SLC12A9: variants seen among roughly 807,000 people sequenced by gnomAD.
The protein encoded by SLC12A9 is CCC-interacting protein 1.
Under a neutral mutation model 66.0 loss-of-function variants are expected in SLC12A9, and 55 were observed. That is an observed-to-expected ratio of 0.83 (90% CI 0.67 to 1.04). The LOEUF is 1.04. Among genes scored for constraint, SLC12A9 ranks in the 50% least tolerant of loss-of-function variants. SLC12A9 has a pLI of 0.00. For missense variants in SLC12A9, 1,061 were observed against 1,241.9 expected (o/e 0.85, Z 2.19); for synonymous variants, 577 against 569.0 (o/e 1.01, Z -0.20).
chr7:100,860,764 GTTCA>G (rs1374798767), intron 9 of SLC12A9: 3 of 395,718 alleles, frequency 7.6e-6, no homozygotes, highest in African/African-American at 4.2e-5. Flanking sequence ...ACTCTCTGGG[GTTCA>G]TTGACACTTT....
At chr7:100,828,255 T>A (rs538699979) in intron 1 of SLC12A9, among the ~76,000 whole-genome samples, 1 of 152,108 alleles carries the variant, frequency 6.6e-6, no homozygotes, top group African/African-American at 2.4e-5. Context: ...AAAAGGTGGG[T>A]GTGGCGGGCG....
chr7:100,857,208 G>C (rs909548955), intron 5 of SLC12A9, 32 bp downstream of exon 5: 13 of 1,588,310 alleles, frequency 8.2e-6, no homozygotes, highest in Non-Finnish European at 1.0e-5. Flanking sequence ...CAGGGATCTC[G>C]GGGTGAGGGG....
chr7:100,856,779 T>C, intron 4 of SLC12A9, 89 bp from the exon 5 acceptor site: 1 of 1,329,394 alleles, frequency 7.5e-7, no homozygotes, highest in East Asian at 2.3e-5. Flanking sequence ...CCCAAAGTGC[T>C]GGAATTATAG....
intron 1 of SLC12A9, among the ~76,000 whole-genome samples, chr7:100,847,416 C>T (rs1463212777): frequency 6.6e-6 from 1 of 152,134 alleles, no homozygotes; most frequent in Non-Finnish European, 1.5e-5. Context: ...AGGAGAAAGG[C>T]ATGTCATTGG....
chr7:100,839,261 C>CT (rs1813731393), intron 1 of SLC12A9, among the ~76,000 whole-genome samples: 2 of 151,858 alleles, frequency 1.3e-5, no homozygotes, highest in South Asian at 4.2e-4. Context: ...GGAGGCAGAG[C>CT]TGCAGTGAGC....
chr7:100,861,919 G>GC lies in SLC12A9; in HGVS notation c.1711+11dup, dbSNP rs1208684265. On this transcript the variant is annotated intron_variant, in intron 12 of 13. Transcript: ENST00000354161. This position sits in a 1 kb window ranked among gnomAD's most constrained non-coding sequence, Gnocchi z 5.3. The stretch of plus-strand genomic sequence containing the variant: ...TCACCCTGGGAGACCTCGGTGAGCT[G>GC]CCCTCCCACTCACTCACTCACTCCC... 3.2e-6 allele frequency: 5 copies of GC among 1,583,466 alleles called. No individual in the cohort carries two copies. Among genetic ancestry groups the GC allele is most frequent in the Non-Finnish European group, 4.3e-6 (5 of 1,163,326 alleles).
At chr7:100,842,531 C>T (rs2116530433) in intron 1 of SLC12A9, among the ~76,000 whole-genome samples, 1 of 152,298 alleles carries the variant, frequency 6.6e-6, no homozygotes, top group Middle Eastern at 3.4e-3. Flanking sequence ...GCTTTCATGC[C>T]ATAGTTGGTC....
chr7:100,839,866 C>T (rs1205689987), intron 1 of SLC12A9, among the ~76,000 whole-genome samples: 4 of 152,004 alleles, frequency 2.6e-5, no homozygotes, highest in Non-Finnish European at 5.9e-5. Flanking sequence ...CACGGTGAAA[C>T]CCCTTCTCTA....
At chr7:100,848,262 T>C (rs1813961977), upstream of SLC12A9, among the ~76,000 whole-genome samples, 2 of 151,774 alleles carry the variant, frequency 1.3e-5, no homozygotes, top group Non-Finnish European at 2.9e-5. Context: ...CCCAGCATTT[T>C]GGGAGGCTGA....
chr7:100,829,799 C>T (rs145089869), intron 1 of SLC12A9, among the ~76,000 whole-genome samples: 2,530 of 152,184 alleles, frequency 0.017, 63 homozygotes, highest in African/African-American at 0.058. Flanking sequence ...GAGGCCGAGG[C>T]GGGTGGATCA....
chr7:100,859,852 G>C (rs779085081), intron 7 of SLC12A9, 33 bp from the exon 8 acceptor site: 1 of 1,576,552 alleles, frequency 6.3e-7, no homozygotes, highest in African/African-American at 1.3e-5. Context: ...CGTGACGCAT[G>C]ATCATCCGTG....
intron 9 of SLC12A9, chr7:100,860,862 G>A: frequency 1.9e-6 from 1 of 521,784 alleles, no homozygotes; most frequent in Non-Finnish European, 3.6e-6. Flanking sequence ...ACTTTCTGGG[G>A]TTCACTGACA....
chr7:100,862,105 C>T (rs1259233302), intron 12 of SLC12A9, among the ~76,000 whole-genome samples, 194 bp downstream of exon 12: 1 of 151,708 alleles, frequency 6.6e-6, no homozygotes, highest in Non-Finnish European at 1.5e-5. Flanking sequence ...TACAGGCACA[C>T]ACCATCATGC....
chr7:100,851,259 G>A (rs1247647322), upstream of SLC12A9, among the ~76,000 whole-genome samples: 2 of 152,016 alleles, frequency 1.3e-5, no homozygotes, highest in African/African-American at 4.8e-5. Context: ...CAGTAGAAGA[G>A]GTGAACTGAA....
upstream of SLC12A9, among the ~76,000 whole-genome samples, chr7:100,850,153 G>A (rs181581265): frequency 5.9e-5 from 9 of 151,726 alleles, no homozygotes; most frequent in East Asian, 3.9e-4. Context: ...GATTACAGGC[G>A]TGAGCCACAA....
At chr7:100,839,548 A>T (rs1245224723) in intron 1 of SLC12A9, among the ~76,000 whole-genome samples, 1 of 152,212 alleles carries the variant, frequency 6.6e-6, no homozygotes, top group Non-Finnish European at 1.5e-5. Context: ...CGTGTGGAAC[A>T]TCCCTGCGGG....
rs1288731594 is a variant in SLC12A9 at position 100,857,152 on chromosome 7, A to G, written c.733A>G (p.Ser245Gly). The part of the protein sequence containing the change: ...RFGHFTGFNS[S>G]TLKDNLGAGY... The stretch of plus-strand genomic sequence containing the variant: ...TGGCCACTTCACCGGCTTCAACAGC[A>G]GTACCCTGAAGGACAACTTGGGCGG... Residue 245 changes from serine (S) to glycine (G), a missense_variant, in exon 5 of 14, where the codon AGT (serine) becomes GGT (glycine). Transcript: ENST00000354161. 1.2e-6 allele frequency: 2 copies of G among 1,612,862 alleles called. No homozygotes were observed. The highest frequency in any genetic ancestry group is 2.2e-5 in the East Asian group (1 of 44,822).
chr7:100,854,211 G>C lies in SLC12A9; in HGVS notation c.14G>C (p.Ser5Thr), dbSNP rs1043531130. 6.4e-7 allele frequency: 1 copy of C among 1,568,680 alleles called. No individual in the cohort carries two copies. Among genetic ancestry groups the C allele is most frequent in the African/African-American group, 1.4e-5 (1 of 72,050 alleles). The stretch of plus-strand genomic sequence containing the variant: ...CTGTGCTCAGCCATGGCCAGCGAGA[G>C]CTCACCTCTGCTGGCCTACCGGCTC... MASE[S>T]SPLLAYRLLG... is the part of the protein sequence containing the mutation. The change falls in exon 2 of 14, where the codon AGC becomes ACC. Residue 5 changes from serine (S) to threonine (T), a missense_variant. Transcript: ENST00000354161.
intron 13 of SLC12A9, among the ~76,000 whole-genome samples, chr7:100,863,040 T>C (rs1030266545): frequency 1.3e-5 from 2 of 151,576 alleles, no homozygotes; most frequent in Non-Finnish European, 1.5e-5. Flanking sequence ...GTGGGCGATG[T>C]TGTGGGTTTT....
Sources: allele counts gnomAD v4.1 joint callset (sites outside exome capture counted in the v4.1 genomes callset), GRCh38; gene constraint gnomAD v4.1.1; non-coding constraint Gnocchi (gnomAD v3.1); transcripts MANE v1.5; gene names NCBI Gene and HGNC (gene_info 2026-07-23, HGNC 2026-07-21).